The following SLC35H1 variants were observed in gnomAD, a reference collection of about 807,000 sequenced individuals.
SLC35H1 encodes solute carrier family 35 member H1, also known as ovarian cancer-overexpressed gene 1 protein.
At chr20:46,358,534 T>C in the SLC35H1 span, 5 of 1,614,108 alleles carry the variant, frequency 3.1e-6, no homozygotes, top group Middle Eastern at 1.6e-4. Context: ...CCGGAGCTCC[T>C]GAGTCAGCGG....
chr20:46,360,309 T>C, the SLC35H1 span, among the ~76,000 whole-genome samples: 1 of 152,090 alleles, frequency 6.6e-6, no homozygotes, highest in Non-Finnish European at 1.5e-5. Context: ...AAAGTGTCCA[T>C]TCTGGAAAAA....
the SLC35H1 span, chr20:46,350,098 G>A: frequency 4.8e-5 from 12 of 249,202 alleles, no homozygotes; most frequent in Non-Finnish European, 9.2e-5. Flanking sequence ...AATGAGTCTC[G>A]GCTGTCAGAG....
chr20:46,354,654 C>G, the SLC35H1 span, among the ~76,000 whole-genome samples: 6 of 152,222 alleles, frequency 3.9e-5, no homozygotes, highest in South Asian at 8.3e-4. Context: ...TCAGAACAGC[C>G]CTGGTGCACT....
At chr20:46,356,564 C>A in the SLC35H1 span, 3 of 1,613,768 alleles carry the variant, frequency 1.9e-6, no homozygotes, top group Non-Finnish European at 2.5e-6. Flanking sequence ...AGGGCATGGC[C>A]AGTACTCACA....
chr20:46,350,354 C>T, the SLC35H1 span: 11 of 1,562,240 alleles, frequency 7.0e-6, no homozygotes, highest in East Asian at 2.3e-5. Context: ...TGGCAGCAGG[C>T]TGGGGAGTGG....
the SLC35H1 span, chr20:46,348,432 T>C: frequency 6.6e-6 from 1 of 152,194 alleles, no homozygotes; most frequent in Non-Finnish European, 1.5e-5. Flanking sequence ...AAGCAGCCTC[T>C]AAGACGGAGG....
the SLC35H1 span, chr20:46,352,456 T>C: frequency 7.5e-6 from 4 of 535,688 alleles, no homozygotes; most frequent in Non-Finnish European, 6.7e-6. Flanking sequence ...CTGGGGGCAA[T>C]ACAAGCCAGA....
the SLC35H1 span, among the ~76,000 whole-genome samples, chr20:46,363,827 T>C: frequency 1.3e-5 from 2 of 152,362 alleles, no homozygotes; most frequent in Admixed American, 6.5e-5. Flanking sequence ...AAGGCCTCTG[T>C]AACCTCATTC....
chr20:46,357,776 G>C, the SLC35H1 span: 1 of 1,614,100 alleles, frequency 6.2e-7, no homozygotes, highest in Non-Finnish European at 8.5e-7. Flanking sequence ...TGGAAGCTCT[G>C]TATGGAGCCC....
At chr20:46,356,385 G>A in the SLC35H1 span, among the ~76,000 whole-genome samples, 2 of 152,200 alleles carry the variant, frequency 1.3e-5, no homozygotes, top group African/African-American at 4.8e-5. Flanking sequence ...CATCTCCTCT[G>A]CGCTGGGCTT....
chr20:46,348,504 C>G, the SLC35H1 span: 1 of 152,248 alleles, frequency 6.6e-6, no homozygotes, highest in Non-Finnish European at 1.5e-5. Flanking sequence ...CACGAGCCTC[C>G]TTTAATCTTG....
the SLC35H1 span, among the ~76,000 whole-genome samples, chr20:46,361,803 T>C: frequency 2.0e-5 from 3 of 152,232 alleles, no homozygotes; most frequent in Non-Finnish European, 2.9e-5. Flanking sequence ...TCACAGGACA[T>C]GCTGGCACTA....
the SLC35H1 span, among the ~76,000 whole-genome samples, chr20:46,359,285 C>T: frequency 6.6e-6 from 1 of 152,212 alleles, no homozygotes; most frequent in Non-Finnish European, 1.5e-5. Flanking sequence ...GAATCAGTCC[C>T]CTGAGATACA....
the SLC35H1 span, among the ~76,000 whole-genome samples, chr20:46,351,583 C>A: frequency 6.6e-6 from 1 of 152,252 alleles, no homozygotes; most frequent in Non-Finnish European, 1.5e-5. Context: ...AGGCTGGCCA[C>A]AGGGGTGCTT....
At chr20:46,348,888 C>T in the SLC35H1 span, 1 of 152,258 alleles carries the variant, frequency 6.6e-6, no homozygotes, top group Non-Finnish European at 1.5e-5. Context: ...GTAGCTGCAA[C>T]AGACGCCATA....
chr20:46,356,521 C>T, the SLC35H1 span: 1 of 1,592,454 alleles, frequency 6.3e-7, no homozygotes, highest in Non-Finnish European at 8.6e-7. Flanking sequence ...CCCCGCTGGA[C>T]AGACAGACAG....
the SLC35H1 span, among the ~76,000 whole-genome samples, chr20:46,353,377 G>C: frequency 4.6e-5 from 7 of 152,198 alleles, no homozygotes; most frequent in Non-Finnish European, 8.8e-5. Flanking sequence ...CTGTCCATCT[G>C]GAAGAATGAC....
chr20:46,353,958 A>G, the SLC35H1 span, among the ~76,000 whole-genome samples: 1 of 152,124 alleles, frequency 6.6e-6, no homozygotes, highest in African/African-American at 2.4e-5. Flanking sequence ...TGAAACTTAA[A>G]TGGATGTGGG....
the SLC35H1 span, chr20:46,351,979 T>C: frequency 1.3e-5 from 19 of 1,506,936 alleles, no homozygotes; most frequent in Admixed American, 1.9e-5. Context: ...GAGCTGGGAC[T>C]GAAGCTGCTG....
Sources: gnomAD v4.1 joint callset for allele counts (sites outside exome capture counted in the v4.1 genomes callset) on GRCh38, gnomAD v4.1.1 for gene constraint, MANE v1.5 for transcripts, NCBI Gene and HGNC (gene_info 2026-07-23, HGNC 2026-07-21) for gene names.